SCPEP1: variants seen among roughly 807,000 people sequenced by gnomAD.
SCPEP1 encodes the protein serine carboxypeptidase 1, also known as retinoid-inducible serine carboxypeptidase.
SCPEP1 carries 51 observed loss-of-function variants against 63.8 expected under a neutral mutation model. The ratio of observed to expected loss-of-function variants is 0.80; its 90% confidence interval spans 0.64 to 1.01. The LOEUF is 1.01. Among genes scored for constraint, SCPEP1 ranks in the 50% least tolerant of loss-of-function variants. The pLI, the probability that SCPEP1 is intolerant of heterozygous loss-of-function variation, is 0.00. For missense variants in SCPEP1, 499 were observed against 554.9 expected, an observed-to-expected ratio of 0.90 and a Z score of 1.01; for synonymous variants, 204 against 207.8, an observed-to-expected ratio of 0.98 and a Z score of 0.16.
intron 1 of SCPEP1, among the ~76,000 whole-genome samples, chr17:56,980,266 C>T (rs2144461568): frequency 6.6e-6 from 1 of 152,262 alleles, no homozygotes; most frequent in African/African-American, 2.4e-5. Flanking sequence ...AGGCATATGC[C>T]ACAATGCCCA....
At chr17:56,991,218 C>T (rs984702363) in intron 6 of SCPEP1, 47 bp downstream of exon 6, 1 of 1,397,378 alleles carries the variant, frequency 7.2e-7, no homozygotes, top group Non-Finnish European at 1.0e-6. Context: ...TTTTGCCCAT[C>T]CTTTCCTGGG....
Position 56,989,440 on chromosome 17 carries a change from T to C in SCPEP1, c.546+1150T>C, listed in dbSNP as rs189175518. ...AATTAATTTAAATTTAAAAGGACAA[T>C]TTGACAATGTCAATTTTTTAAAGAT... On this transcript the variant is annotated intron_variant, in intron 5 of 12. Transcript: ENST00000262288. Among the ~76,000 whole-genome samples the C allele has an allele frequency of 3.8e-3, 578 of 152,304 alleles. 6 individuals are homozygous for C. The highest frequency in any genetic ancestry group is 0.013 in the African/African-American group (551 of 41,556).
At chr17:56,986,037 C>A (rs557661070) in intron 3 of SCPEP1, among the ~76,000 whole-genome samples, 1 of 152,144 alleles carries the variant, frequency 6.6e-6, no homozygotes, top group East Asian at 2.0e-4. Context: ...CCAGGCTGCC[C>A]ATGGGCAGAA....
intron 10 of SCPEP1, among the ~76,000 whole-genome samples, 190 bp from the exon 11 acceptor site, chr17:57,000,665 A>G (rs1340256250): frequency 1.3e-5 from 2 of 152,142 alleles, no homozygotes; most frequent in Middle Eastern, 3.2e-3. Context: ...AATGGACCAC[A>G]TGTGCTATTT....
In SCPEP1 at chr17:56,988,247, A is replaced by G. The variant is rs761529266; in HGVS notation, c.503A>G (p.Tyr168Cys). The G allele has an allele frequency of 4.3e-6, 7 of 1,612,854 alleles. No homozygotes were observed. Among genetic ancestry groups the G allele is most frequent in the African/African-American group, 1.3e-5 (1 of 75,024 alleles). Residue 168 changes from tyrosine (Y) to cysteine (C), a missense_variant, in exon 5 of 13, where the codon TAT becomes TGT. Physicochemically the swap from Tyr to Cys is radical, Grantham distance 194. Coordinates refer to ENST00000262288, the MANE Select transcript of SCPEP1 (RefSeq NM_021626.3). ...CCATTCTACATTTTCTCAGAGTCCT[A>G]TGGAGGAAAAATGGCAGCTGGCATT... ...TVPFYIFSES[Y>C]GGKMAAGIGL...
intron 2 of SCPEP1, 144 bp downstream of exon 2, chr17:56,981,374 G>A: frequency 1.2e-6 from 1 of 802,268 alleles, no homozygotes. Flanking sequence ...TGCTTCTGAG[G>A]TAGGCTGAGG....
At chr17:56,984,033 C>T (rs904022452) in intron 2 of SCPEP1, 3 of 143,436 alleles carry the variant, frequency 2.1e-5, no homozygotes, top group Non-Finnish European at 3.0e-5. Flanking sequence ...CTCAGCCCCC[C>T]GAGTAGCTGG....
chr17:57,001,915 A>C, intron 11 of SCPEP1, 103 bp from the exon 12 acceptor site: 1 of 1,166,438 alleles, frequency 8.6e-7, no homozygotes, highest in Non-Finnish European at 1.2e-6. Context: ...AGTGAGTTTC[A>C]TGCATATTGC....
At position 57,001,965 on chromosome 17, in the gene SCPEP1, C is replaced by T. The variant is rs959080311; in HGVS notation, c.1133-53C>T. On this transcript the variant is annotated intron_variant, in intron 11 of 12. Coordinates refer to ENST00000262288, the MANE Select transcript of SCPEP1 (RefSeq NM_021626.3). ...CAACTTTTAGGACCTAGACTTTTTT[C>T]CTATTCTATCCAGCTGTTAATGCCA... 6 of 1,558,956 alleles carry T rather than the reference C, an allele frequency of 3.8e-6. No homozygotes were observed. In the Admixed American group the frequency reaches 6.3e-5, roughly 16 times the overall value.
chr17:56,999,968 G>A (rs1449507820), intron 10 of SCPEP1, among the ~76,000 whole-genome samples: 8 of 142,168 alleles, frequency 5.6e-5, no homozygotes, highest in African/African-American at 2.1e-4. Context: ...GGCAATAAGA[G>A]TGAAACTCTG....
intron 6 of SCPEP1, among the ~76,000 whole-genome samples, chr17:56,992,708 G>GAAACTGAGACTTA (rs1911437344): frequency 6.6e-6 from 1 of 152,160 alleles, no homozygotes. Context: ...TGTAAATGAT[G>GAAACTGAGACTTA]AAACTGAGAC....
chr17:56,996,000 C>A (rs1255379698), intron 8 of SCPEP1: 1 of 155,058 alleles, frequency 6.4e-6, no homozygotes, highest in Non-Finnish European at 1.4e-5. Flanking sequence ...AATGCGTAGG[C>A]TAAGGACTTG....
At chr17:56,979,168 G>A (rs1050199896) in intron 1 of SCPEP1, among the ~76,000 whole-genome samples, 5 of 152,062 alleles carry the variant, frequency 3.3e-5, no homozygotes, top group Non-Finnish European at 7.4e-5. Flanking sequence ...TTGTTGTTTT[G>A]TTTTGAGTCA....
intron 7 of SCPEP1, chr17:56,995,250 C>G: frequency 1.8e-6 from 1 of 564,176 alleles, no homozygotes; most frequent in Non-Finnish European, 3.1e-6. Flanking sequence ...CACATTTTTC[C>G]AATGCCCTAA....
At chr17:57,001,646 T>C (rs778553532) in intron 11 of SCPEP1, among the ~76,000 whole-genome samples, 4 of 145,968 alleles carry the variant, frequency 2.7e-5, no homozygotes, top group Non-Finnish European at 6.1e-5. Context: ...CATTTCTCGA[T>C]GAACATCCCA....
chr17:56,994,438 G>C (rs1397338417), intron 6 of SCPEP1, among the ~76,000 whole-genome samples: 1 of 152,192 alleles, frequency 6.6e-6, no homozygotes, highest in Admixed American at 6.5e-5. Context: ...GCTGCCTCTA[G>C]ACCCTTAGTA....
At chr17:56,990,072 C>G (rs1911347198) in intron 5 of SCPEP1, among the ~76,000 whole-genome samples, 1 of 152,074 alleles carries the variant, frequency 6.6e-6, no homozygotes, top group African/African-American at 2.4e-5. Context: ...AGAAAGAATA[C>G]AGAGAGCTAT....
At chr17:56,979,429 C>T (rs926318585) in intron 1 of SCPEP1, among the ~76,000 whole-genome samples, 5 of 151,206 alleles carry the variant, frequency 3.3e-5, no homozygotes, top group Admixed American at 1.3e-4. Flanking sequence ...CTCCAGTCAC[C>T]GAGGGGATCC....
At chr17:57,000,449 T>G (rs1196972103) in intron 10 of SCPEP1, among the ~76,000 whole-genome samples, 1 of 152,196 alleles carries the variant, frequency 6.6e-6, no homozygotes, top group African/African-American at 2.4e-5. Flanking sequence ...TAGGCCTACC[T>G]GTTCAGAACT....
Sources: allele counts gnomAD v4.1 joint callset (sites outside exome capture counted in the v4.1 genomes callset), GRCh38; gene constraint gnomAD v4.1.1; transcripts MANE v1.5; gene names NCBI Gene and HGNC (gene_info 2026-07-23, HGNC 2026-07-21).